THSD4: variants seen among roughly 807,000 people sequenced by gnomAD.
THSD4 encodes thrombospondin type 1 domain containing 4.
In THSD4, 69 loss-of-function variants were observed where a neutral mutation model predicts 119.0. The observed-to-expected ratio is 0.58, with a 90% confidence interval of 0.48 to 0.71. The LOEUF (loss-of-function observed/expected upper bound fraction) is 0.71. Ranked by LOEUF, THSD4 falls within the 30% of genes least tolerant of loss-of-function variation. The pLI, the probability that THSD4 is intolerant of heterozygous loss-of-function variation, is 0.00. For synonymous variants in THSD4, 524 were observed against 540.4 expected (o/e 0.97, Z 0.42); for missense variants, 1,393 against 1,391.1 (o/e 1.00, Z -0.02).
intron 6 of THSD4, among the ~76,000 whole-genome samples, chr15:71,362,740 C>T (rs16955499): frequency 0.18 from 28,039 of 152,104 alleles, 3,287 homozygotes; most frequent in East Asian, 0.55. Context: ...GTTCCGTTTT[C>T]GTCCGCACGC....
rs543421650 is a variant in THSD4 at position 71,595,474 on chromosome 15, G to A, written c.1153-65056G>A. Among the ~76,000 whole-genome samples, 552 of 152,280 alleles carry A rather than the reference G, an allele frequency of 3.6e-3. 4 individuals are homozygous for A. Among genetic ancestry groups the A allele is most frequent in the African/African-American group, 0.013 (534 of 41,550 alleles). On this transcript the variant is annotated intron_variant, in intron 7 of 17. Transcript: ENST00000261862. ...CTCTTGCCACCACCATGTAAGAAGT[G>A]CCTTTCGCCTCCTGCCATGATTCGG...
chr15:71,658,636 G>T (rs186948819), intron 7 of THSD4, among the ~76,000 whole-genome samples: 162 of 152,304 alleles, frequency 1.1e-3, no homozygotes, highest in Non-Finnish European at 1.7e-3. Context: ...ATTCAAGGGG[G>T]GTGGGGCTAT....
At chr15:71,537,334 C>A (rs1266567121) in intron 7 of THSD4, among the ~76,000 whole-genome samples, 1 of 152,118 alleles carries the variant, frequency 6.6e-6, no homozygotes, top group Non-Finnish European at 1.5e-5. Flanking sequence ...GCTGCCCTTG[C>A]CCTTAAAGTA....
At chr15:71,326,843 A>G (rs1265556100) in intron 6 of THSD4, among the ~76,000 whole-genome samples, 2 of 148,268 alleles carry the variant, frequency 1.3e-5, no homozygotes, top group African/African-American at 4.9e-5. Context: ...ACTGCACTGA[A>G]GTTTGGATGC....
At chr15:71,196,908 G>C (rs2043724589) in intron 3 of THSD4, among the ~76,000 whole-genome samples, 1 of 152,166 alleles carries the variant, frequency 6.6e-6, no homozygotes, top group Non-Finnish European at 1.5e-5. Flanking sequence ...CAGGTGGATT[G>C]TCAAGACTGC....
chr15:71,365,732 T>A (rs2045953463), intron 6 of THSD4, among the ~76,000 whole-genome samples: 1 of 152,104 alleles, frequency 6.6e-6, no homozygotes, highest in Non-Finnish European at 1.5e-5. Context: ...CAAGCAACTT[T>A]CCTCCCTCTC....
intron 3 of THSD4, among the ~76,000 whole-genome samples, chr15:71,155,385 C>T (rs1034150356): frequency 6.6e-6 from 1 of 152,104 alleles, no homozygotes; most frequent in African/African-American, 2.4e-5. Context: ...AGGAACTATC[C>T]CTATGATCCA....
chr15:71,501,276 G>GATCC (rs1311656650), intron 7 of THSD4, among the ~76,000 whole-genome samples: 1 of 152,208 alleles, frequency 6.6e-6, no homozygotes, highest in Non-Finnish European at 1.5e-5. Context: ...GTGTATCACA[G>GATCC]ATCCATATAT....
intron 2 of THSD4, among the ~76,000 whole-genome samples, chr15:71,148,470 C>T (rs2040686297): frequency 6.6e-6 from 1 of 152,178 alleles, no homozygotes; most frequent in Admixed American, 6.5e-5. Context: ...GTTTCTTAAG[C>T]TCAGATGAAT....
intron 8 of THSD4, among the ~76,000 whole-genome samples, chr15:71,719,968 G>A (rs947531076): frequency 1.3e-5 from 2 of 150,734 alleles, no homozygotes; most frequent in African/African-American, 2.4e-5. Flanking sequence ...GAGCCACTGC[G>A]TTCGGCCATC....
At chr15:71,732,777 T>G (rs1337883725) in intron 10 of THSD4, 1 of 152,216 alleles carries the variant, frequency 6.6e-6, no homozygotes, top group Non-Finnish European at 1.5e-5. Context: ...TACTTTGTGC[T>G]TGTTATATCA....
chr15:71,571,867 GCTTAT>G (rs976604654), intron 7 of THSD4, among the ~76,000 whole-genome samples: 1 of 152,172 alleles, frequency 6.6e-6, no homozygotes, highest in Non-Finnish European at 1.5e-5. Context: ...GCCACAAACA[GCTTAT>G]CTTATTAGCT....
rs966956402 is a variant in THSD4, at chr15:71,265,836, C to T, written c.1015+9121C>T. Among the ~76,000 whole-genome samples the T allele has an allele frequency of 3.3e-5, 5 of 152,270 alleles. No individual in the cohort carries two copies. The South Asian group carries it at 6.2e-4, about 19-fold the overall frequency. On this transcript the variant is annotated intron_variant, in intron 6 of 17. Transcript: ENST00000261862. ...TTTCCCCTCACAATGTAAACAAAGC[C>T]GCCAGGAAGTTCAAACTCGGCAGAG...
At chr15:71,409,326 A>G (rs1304426949) in intron 6 of THSD4, among the ~76,000 whole-genome samples, 5 of 152,184 alleles carry the variant, frequency 3.3e-5, no homozygotes, top group Admixed American at 1.3e-4. Context: ...CACTTGGATT[A>G]CTTACAATGC....
chr15:71,379,327 T>A (rs2046194636), intron 6 of THSD4, among the ~76,000 whole-genome samples: 1 of 152,002 alleles, frequency 6.6e-6, no homozygotes, highest in South Asian at 2.1e-4. Flanking sequence ...TTTCTTATAG[T>A]CAGCTGTTGT....
At chr15:71,436,478 A>C (rs1000814927) in intron 7 of THSD4, among the ~76,000 whole-genome samples, 2 of 152,214 alleles carry the variant, frequency 1.3e-5, no homozygotes, top group Non-Finnish European at 2.9e-5. Flanking sequence ...CAGATTTCAC[A>C]AAGAGTGACC....
At chr15:71,633,626 G>A (rs1262347693) in intron 7 of THSD4, among the ~76,000 whole-genome samples, 1 of 152,140 alleles carries the variant, frequency 6.6e-6, no homozygotes, top group Middle Eastern at 3.2e-3. Flanking sequence ...GAAACATACA[G>A]CTCAAATGGA....
chr15:71,719,964 C>G (rs1294099581), intron 8 of THSD4, among the ~76,000 whole-genome samples: 4 of 151,642 alleles, frequency 2.6e-5, no homozygotes, highest in African/African-American at 7.3e-5. Flanking sequence ...GCATGAGCCA[C>G]TGCGTTCGGC....
chr15:71,683,488 A>G (rs2051840090), intron 8 of THSD4, among the ~76,000 whole-genome samples: 2 of 152,170 alleles, frequency 1.3e-5, no homozygotes, highest in African/African-American at 4.8e-5. Flanking sequence ...ACAAAAAGGT[A>G]ATTTCAGATG....
Sources: gnomAD v4.1 joint callset for allele counts (sites outside exome capture counted in the v4.1 genomes callset) on GRCh38, gnomAD v4.1.1 for gene constraint, MANE v1.5 for transcripts, NCBI Gene and HGNC (gene_info 2026-07-23, HGNC 2026-07-21) for gene names.